CTNNA3: variants seen among roughly 807,000 people sequenced by gnomAD.
CTNNA3 encodes the protein catenin alpha 3.
Under a neutral mutation model 95.7 loss-of-function variants are expected in CTNNA3, and 76 were observed. The observed-to-expected ratio is 0.79, with a 90% CI of 0.66 to 0.96. The LOEUF is 0.96. CTNNA3 is among the 40% of genes least tolerant of loss of function. The pLI is 0.00. For missense variants in CTNNA3, 1,191 were observed against 1,089.8 expected, an observed-to-expected ratio of 1.09 and a Z score of -1.31; for synonymous variants, 431 against 374.4, an observed-to-expected ratio of 1.15 and a Z score of -1.74.
intron 5 of CTNNA3, among the ~76,000 whole-genome samples, chr10:67,346,418 TG>T (rs962169111): frequency 6.6e-6 from 1 of 152,210 alleles, no homozygotes; most frequent in Non-Finnish European, 1.5e-5. Context: ...ACAGGTCTGG[TG>T]TTGGTGAAAT....
chr10:67,177,857 C>T (rs1564945504), intron 7 of CTNNA3, among the ~76,000 whole-genome samples: 1 of 152,128 alleles, frequency 6.6e-6, no homozygotes, highest in Non-Finnish European at 1.5e-5. Flanking sequence ...CCAATTTGCT[C>T]AGTTTAAGAA....
intron 1 of CTNNA3, among the ~76,000 whole-genome samples, chr10:67,723,994 T>C (rs1272446093): frequency 6.6e-6 from 1 of 152,124 alleles, no homozygotes. Context: ...AGTAGACCTT[T>C]AGGTAGAGAA....
chr10:67,700,770 G>C (rs1453459868), upstream of CTNNA3, among the ~76,000 whole-genome samples: 1 of 152,206 alleles, frequency 6.6e-6, no homozygotes, highest in African/African-American at 2.4e-5. Flanking sequence ...AACAAAGCTG[G>C]ACGGAGAATG....
chr10:66,814,955 G>A (rs1465838407), intron 7 of CTNNA3, among the ~76,000 whole-genome samples: 6 of 149,760 alleles, frequency 4.0e-5, no homozygotes, highest in African/African-American at 9.9e-5. Flanking sequence ...GGGTTCAAGC[G>A]ATTCTCTTGC....
chr10:66,068,651 T>C (rs980015399), intron 15 of CTNNA3, among the ~76,000 whole-genome samples: 2 of 152,194 alleles, frequency 1.3e-5, no homozygotes, highest in Non-Finnish European at 2.9e-5. Flanking sequence ...TGTATCCTTC[T>C]GTACTGTGGC....
intron 7 of CTNNA3, among the ~76,000 whole-genome samples, chr10:66,983,597 T>G (rs1850568360): frequency 6.6e-6 from 1 of 151,982 alleles, no homozygotes; most frequent in Non-Finnish European, 1.5e-5. Flanking sequence ...TTGTACAACA[T>G]CAAACATAAC....
intron 10 of CTNNA3, among the ~76,000 whole-genome samples, chr10:66,597,513 T>C (rs1377337736): frequency 1.5e-4 from 6 of 40,924 alleles, no homozygotes; most frequent in Admixed American, 3.6e-4. Flanking sequence ...ATTTCATACA[T>C]ATATATATAT....
At chr10:66,698,040 G>C (rs1327510823) in intron 9 of CTNNA3, among the ~76,000 whole-genome samples, 2 of 152,064 alleles carry the variant, frequency 1.3e-5, no homozygotes, top group East Asian at 3.9e-4. Context: ...TCTGAAAACG[G>C]AATATTTCCT....
At chr10:66,586,656 A>G (rs1843368972) in intron 10 of CTNNA3, among the ~76,000 whole-genome samples, 1 of 151,988 alleles carries the variant, frequency 6.6e-6, no homozygotes, top group Admixed American at 6.6e-5. Context: ...AGCTCCCATG[A>G]GAGAAGCCCC....
intron 5 of CTNNA3, among the ~76,000 whole-genome samples, chr10:67,385,362 G>T (rs568801635): frequency 6.6e-6 from 1 of 152,116 alleles, no homozygotes; most frequent in South Asian, 2.1e-4. Context: ...AACCTCAGAA[G>T]TTTTCTTTCA....
intron 13 of CTNNA3, among the ~76,000 whole-genome samples, chr10:66,263,231 A>G (rs2091059366): frequency 6.6e-6 from 1 of 151,972 alleles, no homozygotes; most frequent in African/African-American, 2.4e-5. Context: ...TCTCTCCAAA[A>G]AAATCTAAAG....
intron 1 of CTNNA3, among the ~76,000 whole-genome samples, chr10:67,736,490 C>T (rs1482003019): frequency 7.6e-6 from 1 of 132,352 alleles, no homozygotes; most frequent in East Asian, 2.2e-4. Context: ...GAGTCTCTCT[C>T]TGTCACCCAG....
At chr10:67,134,356 T>C (rs886305840) in intron 7 of CTNNA3, among the ~76,000 whole-genome samples, 4 of 152,118 alleles carry the variant, frequency 2.6e-5, no homozygotes, top group African/African-American at 9.7e-5. Flanking sequence ...GAGTATCCCA[T>C]GATGAGCTCT....
At chr10:66,103,121 C>T (rs1455642637) in intron 14 of CTNNA3, 36 bp downstream of exon 14, 4 of 1,535,894 alleles carry the variant, frequency 2.6e-6, no homozygotes, top group Middle Eastern at 1.7e-4. Context: ...TTCAGTGACA[C>T]AGTACATGGT....
chr10:67,276,915 A>G (rs925504241), intron 5 of CTNNA3, among the ~76,000 whole-genome samples: 2 of 151,948 alleles, frequency 1.3e-5, no homozygotes, highest in Non-Finnish European at 2.9e-5. Context: ...ATATTATAAT[A>G]TAACTAGTGT....
rs371267318 is a variant in CTNNA3, at chr10:66,685,404, G to A, written c.1282-63620C>T. The stretch of plus-strand genomic sequence containing the variant: ...TTTTTTTTTTTTGAGATGGAGTCTC[G>A]CTCTTTCGCCCAGGCTGGAGTGCAG... On this transcript the variant is annotated intron_variant, in intron 9 of 17. Transcript: ENST00000433211. Among the ~76,000 whole-genome samples the A allele has an allele frequency of 3.6e-3, 322 of 88,328 alleles. 4 individuals are homozygous for A. The highest frequency in any genetic ancestry group is 0.014 in the African/African-American group (301 of 20,900). The allele number at this position is 88,328 out of a possible 152,430, so 57.9% of individuals were successfully genotyped here.
At chr10:66,338,273 T>C (rs1357239120) in intron 12 of CTNNA3, among the ~76,000 whole-genome samples, 1 of 151,960 alleles carries the variant, frequency 6.6e-6, no homozygotes, top group Non-Finnish European at 1.5e-5. Flanking sequence ...CAAAAGTAGA[T>C]AATTGGTTGC....
chr10:66,885,292 A>G (rs968301616), intron 7 of CTNNA3, among the ~76,000 whole-genome samples: 5 of 152,190 alleles, frequency 3.3e-5, no homozygotes, highest in African/African-American at 1.2e-4. Flanking sequence ...ACATAGTTCA[A>G]TAAGGTTTTT....
intron 5 of CTNNA3, among the ~76,000 whole-genome samples, chr10:67,284,611 G>A (rs1839522430): frequency 6.6e-6 from 1 of 152,160 alleles, no homozygotes; most frequent in Non-Finnish European, 1.5e-5. Context: ...AATTAAAAAG[G>A]TATTTGATCA....
Sources: allele counts gnomAD v4.1 joint callset (sites outside exome capture counted in the v4.1 genomes callset), GRCh38; gene constraint gnomAD v4.1.1; transcripts MANE v1.5; gene names NCBI Gene and HGNC (gene_info 2026-07-23, HGNC 2026-07-21).